TENM2: variants seen among roughly 807,000 people sequenced by gnomAD.
TENM2 encodes the protein teneurin-2.
A neutral mutation model predicts 245.2 loss-of-function variants in TENM2; 52 were observed. That is an observed-to-expected ratio of 0.21 (90% CI 0.17 to 0.27). The LOEUF (loss-of-function observed/expected upper bound fraction) is 0.27, where lower values mean the gene tolerates loss of function less well. Among genes scored for constraint, TENM2 ranks in the 10% least tolerant of loss-of-function variants. TENM2 has a pLI of 1.00. For synonymous variants in TENM2, 1,363 were observed against 1,438.9 expected, an observed-to-expected ratio of 0.95 and a Z score of 1.19; for missense variants, 3,046 against 3,666.8, an observed-to-expected ratio of 0.83 and a Z score of 4.37.
chr5:167,040,641 A>G, the TENM2 span, among the ~76,000 whole-genome samples: 48 of 152,286 alleles, frequency 3.2e-4, 1 homozygote, highest in Middle Eastern at 6.8e-3. Context: ...TTCAACAGCT[A>G]TTCTTCTTTG....
At chr5:167,746,903 A>G (rs1431927230) in intron 2 of TENM2, among the ~76,000 whole-genome samples, 1 of 152,156 alleles carries the variant, frequency 6.6e-6, no homozygotes, top group Non-Finnish European at 1.5e-5. Context: ...TCATTTATAC[A>G]TCTCACAAGT....
At chr5:167,140,522 T>G in the TENM2 span, among the ~76,000 whole-genome samples, 1 of 152,312 alleles carries the variant, frequency 6.6e-6, no homozygotes, top group East Asian at 1.9e-4. Context: ...CTTGAAATTC[T>G]TTGAGTGTTT....
chr5:168,154,469 C>A (rs1324060973), intron 12 of TENM2, among the ~76,000 whole-genome samples: 1 of 152,182 alleles, frequency 6.6e-6, no homozygotes, highest in Admixed American at 6.5e-5. Flanking sequence ...AGGTGATCCA[C>A]CCGCCTCAAC....
At chr5:167,989,266 GAA>G (rs1390403932) in intron 4 of TENM2, among the ~76,000 whole-genome samples, 3 of 124,588 alleles carry the variant, frequency 2.4e-5, no homozygotes, top group East Asian at 3.4e-4. Context: ...AGAAGATAGA[GAA>G]AGAGAGAGAG....
intron 3 of TENM2, among the ~76,000 whole-genome samples, chr5:167,948,522 G>A (rs1779822795): frequency 6.6e-6 from 1 of 152,146 alleles, no homozygotes; most frequent in African/African-American, 2.4e-5. Flanking sequence ...TTAGTAAAGA[G>A]CCAATAAGAC....
the TENM2 span, among the ~76,000 whole-genome samples, chr5:166,982,348 A>G: frequency 6.6e-6 from 1 of 152,142 alleles, no homozygotes; most frequent in East Asian, 1.9e-4. Context: ...CTTAACATTA[A>G]TTGCTATTTT....
At chr5:167,134,280 CATT>C in the TENM2 span, among the ~76,000 whole-genome samples, 9 of 152,154 alleles carry the variant, frequency 5.9e-5, no homozygotes, top group Non-Finnish European at 1.2e-4. Flanking sequence ...GTCAAAGACT[CATT>C]AGTAGCCGCA....
chr5:167,484,875 T>G (rs1561993804), intron 2 of TENM2, among the ~76,000 whole-genome samples: 1 of 152,228 alleles, frequency 6.6e-6, no homozygotes, highest in Non-Finnish European at 1.5e-5. Flanking sequence ...GGAAAGATAT[T>G]GCATGCTAAG....
intron 2 of TENM2, among the ~76,000 whole-genome samples, chr5:167,746,710 A>AGAGAGAGAGAGCGAGAGC (rs761614775): frequency 6.9e-6 from 1 of 144,862 alleles, no homozygotes; most frequent in Admixed American, 6.8e-5. Flanking sequence ...AGAGAGAGAG[A>AGAGAGAGAGAGCGAGAGC]GAGAGCTGGA....
chr5:167,440,757 T>G (rs1764832739), intron 2 of TENM2, among the ~76,000 whole-genome samples: 1 of 152,074 alleles, frequency 6.6e-6, no homozygotes, highest in African/African-American at 2.4e-5. Flanking sequence ...TGTTTCTGGG[T>G]CTCTTTCTCT....
At chr5:166,995,316 T>C in the TENM2 span, among the ~76,000 whole-genome samples, 1 of 152,048 alleles carries the variant, frequency 6.6e-6, no homozygotes, top group South Asian at 2.1e-4. Context: ...CTCAGCTCAC[T>C]GCAAGCTCCC....
intron 2 of TENM2, among the ~76,000 whole-genome samples, chr5:167,406,436 A>T (rs1000101003): frequency 1.3e-5 from 2 of 152,200 alleles, no homozygotes; most frequent in African/African-American, 4.8e-5. Flanking sequence ...GAAGTAGAGT[A>T]GATTGAGTAT....
intron 5 of TENM2, among the ~76,000 whole-genome samples, chr5:168,015,265 T>G (rs751815512): frequency 6.6e-6 from 1 of 152,212 alleles, no homozygotes; most frequent in African/African-American, 2.4e-5. Context: ...TCATGCTTTA[T>G]GTTTGAGAGG....
chr5:167,298,435 T>C (rs1009240430), intron 1 of TENM2, among the ~76,000 whole-genome samples: 6 of 152,016 alleles, frequency 3.9e-5, no homozygotes, highest in East Asian at 3.9e-4. Flanking sequence ...AACCCCTTCT[T>C]TACTAAAAAT....
In TENM2 at chr5:168,047,555, G is replaced by T. The variant is rs916767950; in HGVS notation, c.1309+6G>T. The stretch of plus-strand genomic sequence containing the variant: ...AATGCCATCTGGAGGCAAAGGTGAG[G>T]TTACAGCTGCTGCTTGCCCTCTTGA... On this transcript the variant is annotated splice_donor_region_variant and intron_variant, in intron 6 of 28. Coordinates refer to ENST00000518659, the Ensembl canonical transcript of TENM2. The T allele has an allele frequency of 3.2e-6, 5 of 1,551,460 alleles. No homozygotes were observed. In the African/African-American group the frequency reaches 4.1e-5, roughly 13 times the overall value.
At chr5:167,304,078 C>T (rs1581701502) in intron 1 of TENM2, among the ~76,000 whole-genome samples, 1 of 152,234 alleles carries the variant, frequency 6.6e-6, no homozygotes, top group South Asian at 2.1e-4. Flanking sequence ...TGCTAAATGC[C>T]CTTAAGGACC....
intron 5 of TENM2, among the ~76,000 whole-genome samples, chr5:168,039,157 A>G (rs1293628453): frequency 6.6e-6 from 1 of 152,160 alleles, no homozygotes; most frequent in Non-Finnish European, 1.5e-5. Flanking sequence ...TTGCACATCT[A>G]CGGATCGATA....
intron 1 of TENM2, among the ~76,000 whole-genome samples, chr5:167,348,133 T>G (rs1369997094): frequency 1.3e-5 from 2 of 152,202 alleles, no homozygotes; most frequent in Non-Finnish European, 2.9e-5. Flanking sequence ...TGGGAAAGAA[T>G]TGTTCAAATC....
At chr5:167,223,022 A>G in the TENM2 span, among the ~76,000 whole-genome samples, 1 of 151,846 alleles carries the variant, frequency 6.6e-6, no homozygotes, top group Non-Finnish European at 1.5e-5. Context: ...TTTCAATAGG[A>G]TTTTTTTTAT....
Sources: gnomAD v4.1 joint callset for allele counts (sites outside exome capture counted in the v4.1 genomes callset) on GRCh38, gnomAD v4.1.1 for gene constraint, MANE v1.5 for transcripts, NCBI Gene and HGNC (gene_info 2026-07-23, HGNC 2026-07-21) for gene names.